The following CTSA variants were observed in gnomAD, a reference collection of about 807,000 sequenced individuals.
CTSA encodes lysosomal protective protein.
In CTSA, 42 loss-of-function variants were observed where a neutral mutation model predicts 66.7. The observed-to-expected ratio is 0.63, with a 90% CI of 0.49 to 0.81. The LOEUF is 0.81. Among genes scored for constraint, CTSA ranks in the 40% least tolerant of loss-of-function variants. CTSA has a pLI of 0.00. For synonymous variants in CTSA, 225 were observed against 248.6 expected, an observed-to-expected ratio of 0.91 and a Z score of 0.89; for missense variants, 525 against 610.9, an observed-to-expected ratio of 0.86 and a Z score of 1.48.
Position 45,898,592 on chromosome 20 carries a change from G to T in CTSA, c.*142G>T. 1 of 858,440 alleles carries T rather than the reference G, an allele frequency of 1.2e-6. No homozygotes were observed. The highest frequency in any genetic ancestry group is 1.9e-6 in the Non-Finnish European group (1 of 528,630). 53.2% of individuals were successfully genotyped at this position (858,440 alleles called of 1,614,324 possible). A position where few individuals can be genotyped will look rare whatever the true frequency, so the allele number is the denominator to read the frequency against. On this transcript the variant is annotated 3_prime_UTR_variant, in exon 15 of 15. Coordinates refer to ENST00000646241, the MANE Select transcript of CTSA (RefSeq NM_000308.4). This position sits in a 1 kb window ranked among gnomAD's most constrained non-coding sequence, Gnocchi z 4.6. ...CCTTCCCAGAGCCCTGTACATCCCA[G>T]ACTGGGCCCAGGGTCTCCCATAGAC...
At chr20:45,895,241 C>T (rs1987189292) in intron 11 of CTSA, 108 bp downstream of exon 11, 2 of 1,310,846 alleles carry the variant, frequency 1.5e-6, no homozygotes, top group Admixed American at 3.5e-5. Context: ...ATGAGATGAG[C>T]TGTAGAGGAT....
At position 45,894,997 on chromosome 20, in the gene CTSA, C is replaced by G; in HGVS notation, c.952C>G (p.Leu318Val). 1 of 1,614,198 alleles carries G rather than the reference C, an allele frequency of 6.2e-7. No homozygotes were observed. ...ACCCACTGTCTGTGCCTTCCAGGCA[C>G]TGCTGCGCTCAGGGGATAAAGTGCG... ...LPLKRMWHQA[L>V]LRSGDKVRMD... The change falls in exon 11 of 15, where the codon CTG becomes GTG. Residue 318 changes from leucine (L) to valine (V), a missense_variant. By Grantham distance (32) the Leu-to-Val change is conservative. This residue lies in a region of CTSA where 274 missense variants were observed against 321.1 expected (regional missense o/e 0.85). Transcript: ENST00000646241.
At position 45,891,905 on chromosome 20, in the gene CTSA, C is replaced by A. The variant is rs1396521891; in HGVS notation, c.195-11C>A. 1.2e-6 allele frequency: 2 copies of A among 1,612,616 alleles called. No homozygotes were observed. The highest frequency in any genetic ancestry group is 1.3e-5 in the African/African-American group (1 of 74,892). ...CCAACTGCGCCAACCCTGCCCTGAC[C>A]CCCCTCCCAGGTTTGTGGAGTCCCA... On this transcript the variant is annotated splice_polypyrimidine_tract_variant and intron_variant, in intron 2 of 14. Coordinates refer to ENST00000646241, the MANE Select transcript of CTSA (RefSeq NM_000308.4). The surrounding 1 kb of genome is among the most constrained non-coding windows in gnomAD (Gnocchi z 4.6).
intron 3 of CTSA, 51 bp from the exon 4 acceptor site, chr20:45,892,222 C>T: frequency 6.3e-7 from 1 of 1,597,098 alleles, no homozygotes; most frequent in South Asian, 1.1e-5. Context: ...GGCCCTTTCC[C>T]TCCACCCAGC....
intron 12 of CTSA, chr20:45,897,290 A>C: frequency 1.8e-6 from 1 of 561,126 alleles, no homozygotes; most frequent in African/African-American, 1.9e-5. Context: ...AGCTTCATTC[A>C]TGCCAAAAAT....
chr20:45,898,535 C>A lies in CTSA; in HGVS notation c.*85C>A. ...GAGTCCTCTTCTAAGCAAAGTGCCC[C>A]TGCAGGCCGGGTTCTGCCGCCAGGA... On this transcript the variant is annotated 3_prime_UTR_variant, in exon 15 of 15. Coordinates refer to ENST00000646241, the MANE Select transcript of CTSA (RefSeq NM_000308.4). The surrounding 1 kb of genome is among the most constrained non-coding windows in gnomAD (Gnocchi z 4.6). The A allele has an allele frequency of 7.4e-7, 1 of 1,359,034 alleles. No homozygotes were observed. The highest frequency in any genetic ancestry group is 1.0e-6 in the Non-Finnish European group (1 of 969,662). 84.2% of individuals were successfully genotyped at this position (1,359,034 alleles called of 1,614,324 possible). A position where few individuals can be genotyped will look rare whatever the true frequency, so the allele number is the denominator to read the frequency against.
chr20:45,897,683 C>A, intron 12 of CTSA, 34 bp from the exon 13 acceptor site: 1 of 1,348,438 alleles, frequency 7.4e-7, no homozygotes, highest in Non-Finnish European at 1.1e-6. Flanking sequence ...TGGGCTTGTT[C>A]CACACCCCTC....
At position 45,898,250 on chromosome 20, in the gene CTSA, G is replaced by T. The variant is rs190566661; in HGVS notation, c.1360-117G>T. The T allele has an allele frequency of 3.8e-6, 5 of 1,303,218 alleles. No homozygotes were observed. The highest frequency in any genetic ancestry group is 1.5e-5 in the African/African-American group (1 of 68,048). 80.7% of individuals were successfully genotyped at this position (1,303,218 alleles called of 1,614,324 possible). ...TATGGGCAAGTTTTTTTGGAGAGGG[G>T]TGGGGAGGGTTCTGGGAAGAATAAA... is the stretch of plus-strand genomic sequence containing the variant. On this transcript the variant is annotated intron_variant, in intron 14 of 14. Coordinates refer to ENST00000646241, the MANE Select transcript of CTSA (RefSeq NM_000308.4). This position sits in a 1 kb window ranked among gnomAD's most constrained non-coding sequence, Gnocchi z 4.6.
chr20:45,894,372 C>T, intron 8 of CTSA: 1 of 608,958 alleles, frequency 1.6e-6, no homozygotes, highest in Admixed American at 2.8e-5. Context: ...CAAGATTCCC[C>T]CTCAAATGAG....
intron 5 of CTSA, 39 bp downstream of exon 5, chr20:45,892,523 G>C: frequency 6.3e-7 from 1 of 1,590,898 alleles, no homozygotes; most frequent in Non-Finnish European, 8.6e-7. Flanking sequence ...AGGCTCCCCG[G>C]TCCTCCATCC....
intron 5 of CTSA, 69 bp from the exon 6 acceptor site, chr20:45,892,656 C>T: frequency 6.2e-7 from 1 of 1,600,050 alleles, no homozygotes; most frequent in Non-Finnish European, 8.6e-7. Flanking sequence ...ATGTCATTAT[C>T]TCTGAAGTTC....
intron 11 of CTSA, 130 bp from the exon 12 acceptor site, chr20:45,896,834 CA>C: frequency 1.4e-6 from 1 of 727,642 alleles, no homozygotes; most frequent in Non-Finnish European, 2.5e-6. Flanking sequence ...GGCCCCCCCC[CA>C]AAAAGGGGAG....
rs528444574 is a variant in CTSA at position 45,897,078 on chromosome 20, T to C, written c.1164+38T>C. On this transcript the variant is annotated intron_variant, in intron 12 of 14. Transcript: ENST00000646241. ...AGCACAGCTGGATCACCAGCAGCCT[T>C]AGGACCCCAGAGTAGCACAGCAAGC... is the stretch of plus-strand genomic sequence containing the variant. 8.5e-6 allele frequency: 13 copies of C among 1,527,420 alleles called. No individual in the cohort carries two copies. In the East Asian group the frequency reaches 2.9e-4, roughly 34 times the overall value. The allele number at this position is 1,527,420 out of a possible 1,614,324, so 94.6% of individuals were successfully genotyped here.
chr20:45,895,624 C>G (rs1390540419), intron 11 of CTSA, among the ~76,000 whole-genome samples: 2 of 151,932 alleles, frequency 1.3e-5, no homozygotes, highest in Admixed American at 6.6e-5. Flanking sequence ...CATTTCATTA[C>G]GTAGCCACAT....
At chr20:45,897,183 G>A in intron 12 of CTSA, 143 bp downstream of exon 12, 1 of 757,056 alleles carries the variant, frequency 1.3e-6, no homozygotes, top group South Asian at 1.4e-5. Flanking sequence ...GTGATTGGTG[G>A]GGTCAGAATT....
At chr20:45,892,588 C>A in intron 5 of CTSA, 104 bp downstream of exon 5, 2 of 1,497,558 alleles carry the variant, frequency 1.3e-6, no homozygotes, top group South Asian at 1.1e-5. Flanking sequence ...TTCGCTCTGT[C>A]ATATGCTATT....
At position 45,891,446 on chromosome 20, in the gene CTSA, G is replaced by A; in HGVS notation, c.-1+67G>A. ...GATCGGTGCGCGGCAGAGGAGGCTCGCGGGTGGGAGCTGGCGCTGGGGCCG... is the reference window on the plus strand; with the variant it reads ...GATCGGTGCGCGGCAGAGGAGGCTCACGGGTGGGAGCTGGCGCTGGGGCCG... On this transcript the variant is annotated intron_variant, in intron 1 of 14. Coordinates refer to ENST00000646241, the MANE Select transcript of CTSA (RefSeq NM_000308.4). The surrounding 1 kb of genome is among the most constrained non-coding windows in gnomAD (Gnocchi z 4.6). 1 of 1,546,408 alleles carries A rather than the reference G, an allele frequency of 6.5e-7. No homozygotes were observed. The highest frequency in any genetic ancestry group is 8.7e-7 in the Non-Finnish European group (1 of 1,145,304).
At chr20:45,897,486 G>A (rs1285524241) in intron 12 of CTSA, 2 of 536,938 alleles carry the variant, frequency 3.7e-6, no homozygotes, top group African/African-American at 1.9e-5. Context: ...TTAAATATGA[G>A]CCTCAGGTTC....
chr20:45,896,583 C>T, intron 11 of CTSA: 1 of 316,642 alleles, frequency 3.2e-6, no homozygotes, highest in Admixed American at 4.5e-5. Flanking sequence ...CAGGCACGCA[C>T]CACCACGCCT....
Sources: gnomAD v4.1 joint callset for allele counts (sites outside exome capture counted in the v4.1 genomes callset) on GRCh38, gnomAD v4.1.1 for gene constraint, gnomAD v4.1.1 regional missense constraint, Gnocchi (gnomAD v3.1) non-coding constraint, MANE v1.5 for transcripts, NCBI Gene and HGNC (gene_info 2026-07-23, HGNC 2026-07-21) for gene names.